TTLL8: variants seen among roughly 807,000 people sequenced by gnomAD.
TTLL8 encodes the protein protein monoglycylase TTLL8.
A neutral mutation model predicts 77.8 loss-of-function variants in TTLL8; 65 were observed. The observed-to-expected ratio is 0.84, with a 90% CI of 0.68 to 1.03. TTLL8 has a LOEUF of 1.03. TTLL8 is among the 50% of genes least tolerant of loss of function. The pLI is 0.00. For missense variants in TTLL8, 910 were observed against 1,004.5 expected (o/e 0.91, Z 1.27); for synonymous variants, 402 against 422.8 (o/e 0.95, Z 0.60).
chr22:50,048,430 G>A (rs1052271021), intron 3 of TTLL8, among the ~76,000 whole-genome samples: 1 of 152,076 alleles, frequency 6.6e-6, no homozygotes, highest in African/African-American at 2.4e-5. Context: ...CCTCGCCCCT[G>A]GGTGAGGACG....
intron 12 of TTLL8, among the ~76,000 whole-genome samples, chr22:50,020,164 A>G (rs930438592): frequency 1.2e-4 from 19 of 152,224 alleles, no homozygotes; most frequent in African/African-American, 4.6e-4. Context: ...GCACCAAGAA[A>G]TATTTACAAA....
chr22:50,048,770 C>T (rs768509662), intron 3 of TTLL8, among the ~76,000 whole-genome samples: 3 of 152,226 alleles, frequency 2.0e-5, no homozygotes, highest in Admixed American at 6.5e-5. Flanking sequence ...CTGCAAATGC[C>T]GCCTCCCACC....
chr22:50,031,257 C>A (rs1437419650), intron 11 of TTLL8, among the ~76,000 whole-genome samples: 1 of 152,202 alleles, frequency 6.6e-6, no homozygotes. Flanking sequence ...CATCCGCAGG[C>A]ACAGGGAGGC....
At chr22:50,028,339 C>T (rs1441375407) in intron 12 of TTLL8, among the ~76,000 whole-genome samples, 1 of 152,232 alleles carries the variant, frequency 6.6e-6, no homozygotes, top group Non-Finnish European at 1.5e-5. Context: ...GCAACACTGC[C>T]CTGTGGCAGG....
chr22:50,034,372 T>G lies in TTLL8; in HGVS notation c.1012A>C (p.Lys338Gln), dbSNP rs1388012487. Reference sequence around the variant, plus strand: ...GGGGACTCACCTCGGCCCCGGGACTTGGCCGCGGGCTTTATAATCCAGATG... The same window carrying G: ...GGGGACTCACCTCGGCCCCGGGACTGGGCCGCGGGCTTTATAATCCAGATG... Residue 338 changes from lysine to glutamine, a missense_variant, in exon 9 of 14, where the codon AAG becomes CAG. Transcript: ENST00000266182. This position sits in a 1 kb window ranked among gnomAD's most constrained non-coding sequence, Gnocchi z 4.1. 2.2e-6 allele frequency: 3 copies of G among 1,366,796 alleles called. No homozygotes were observed. Among genetic ancestry groups the G allele is most frequent in the Admixed American group, 3.8e-5 (2 of 52,590 alleles). The allele number at this position is 1,366,796 out of a possible 1,614,324, so 84.7% of individuals were successfully genotyped here.
intron 1 of TTLL8, among the ~76,000 whole-genome samples, chr22:50,052,509 C>G (rs1191016376): frequency 6.6e-6 from 1 of 152,126 alleles, no homozygotes; most frequent in East Asian, 1.9e-4. Flanking sequence ...ATGAAGATAA[C>G]AGACACACCT....
At position 50,045,037 on chromosome 22, in the gene TTLL8, C is replaced by T. The variant is rs1467063654; in HGVS notation, c.643+218G>A. ...CTCGGACGTCCCAGGGCTGCGTTAA[C>T]TGCCAGGTGCTTTACAAACGGGGTG... On this transcript the variant is annotated intron_variant, in intron 6 of 13. Coordinates refer to ENST00000266182, the Ensembl canonical transcript of TTLL8. 4 of 239,816 alleles carry T rather than the reference C, an allele frequency of 1.7e-5. No individual in the cohort carries two copies. The East Asian group carries it at 7.2e-4, about 43-fold the overall frequency. The allele number at this position is 239,816 out of a possible 1,614,324, so 14.9% of individuals were successfully genotyped here.
At chr22:50,046,686 C>T (rs1276467498) in intron 4 of TTLL8, among the ~76,000 whole-genome samples, 1 of 152,236 alleles carries the variant, frequency 6.6e-6, no homozygotes, top group African/African-American at 2.4e-5. Context: ...CAGGGAAGCC[C>T]CTCTTCCGGG....
Position 50,033,273 on chromosome 22 carries a change from CA to C in TTLL8, c.1211del (p.Leu404ArgfsTer38), listed in dbSNP as rs767380809. 2.9e-6 allele frequency: 4 copies of C among 1,361,804 alleles called. No homozygotes were observed. Among genetic ancestry groups the C allele is most frequent in the East Asian group, 9.1e-5 (2 of 21,860 alleles). The allele number at this position is 1,361,804 out of a possible 1,614,324, so 84.4% of individuals were successfully genotyped here. A position where few individuals can be genotyped will look rare whatever the true frequency, so the allele number is the denominator to read the frequency against. On this transcript the variant is annotated frameshift_variant, in exon 10 of 14. Transcript: ENST00000266182. LOFTEE classifies it high-confidence loss of function. Reference sequence around the variant, plus strand: ...AACTCTCCTTGTAGAACCAGATGGTCAGGGGGTTCCAGTCCGTGACGAGGAA... The same window carrying C: ...AACTCTCCTTGTAGAACCAGATGGTCGGGGGTTCCAGTCCGTGACGAGGAA...
At chr22:50,045,467 C>G (rs2061403575) in intron 5 of TTLL8, 78 bp from the exon 8 acceptor site, 3 of 1,249,708 alleles carry the variant, frequency 2.4e-6, no homozygotes, top group Non-Finnish European at 3.2e-6. Flanking sequence ...GCCACGGAGG[C>G]TCCCCAACCC....
At chr22:50,032,246 G>T in intron 10 of TTLL8, 137 bp from the exon 12 acceptor site, 1 of 903,446 alleles carries the variant, frequency 1.1e-6, no homozygotes, top group East Asian at 5.3e-5. Context: ...CCCTCTGCTG[G>T]AGGGGCCCAG....
exon 11 of TTLL8, chr22:50,031,937 C>G (rs754926181): frequency 4.4e-6 from 6 of 1,366,968 alleles, no homozygotes; most frequent in Non-Finnish European, 4.9e-6. Flanking sequence ...TGGGCGATGG[C>G]CTTCTTCATG....
At chr22:50,051,427 G>C in intron 1 of TTLL8, among the ~76,000 whole-genome samples, 1 of 152,260 alleles carries the variant, frequency 6.6e-6, no homozygotes, top group Admixed American at 6.5e-5. Context: ...TTCTTTATCC[G>C]CTCGTTGGTT....
intron 8 of TTLL8, among the ~76,000 whole-genome samples, chr22:50,038,001 A>G (rs1048209245): frequency 2.0e-5 from 3 of 151,548 alleles, no homozygotes; most frequent in Non-Finnish European, 4.4e-5. Context: ...CTAAGTCATT[A>G]ACATGTTATA....
rs576471106 is a variant in TTLL8, at chr22:50,052,728, T to A, written c.51+1848A>T. On this transcript the variant is annotated intron_variant, in intron 1 of 13. Transcript: ENST00000266182. ...AAAAAGATTCAATTCACTAGAAAGA[T>A]ACATGTGTATGCACCTATTAAGAAG... Among the ~76,000 whole-genome samples, 7 of 152,340 alleles carry A rather than the reference T, an allele frequency of 4.6e-5. No individual in the cohort carries two copies. In the East Asian group the frequency reaches 1.2e-3, roughly 25 times the overall value.
intron 4 of TTLL8, among the ~76,000 whole-genome samples, chr22:50,046,432 G>C (rs1244775041): frequency 1.3e-5 from 2 of 152,230 alleles, no homozygotes; most frequent in Non-Finnish European, 2.9e-5. Context: ...ATATCGTGAA[G>C]TCCCCGCACC....
chr22:50,026,703 A>G (rs1185114148), intron 12 of TTLL8, among the ~76,000 whole-genome samples: 3 of 152,216 alleles, frequency 2.0e-5, no homozygotes, highest in Non-Finnish European at 2.9e-5. Flanking sequence ...ACATGTGACA[A>G]TCCATCAAGC....
At chr22:50,032,713 GCAGA>G (rs1470377135) in intron 10 of TTLL8, among the ~76,000 whole-genome samples, 1 of 152,214 alleles carries the variant, frequency 6.6e-6, no homozygotes, top group Non-Finnish European at 1.5e-5. Flanking sequence ...AAGCCTTGGT[GCAGA>G]CAGAGGGTGG....
intron 8 of TTLL8, among the ~76,000 whole-genome samples, chr22:50,036,706 C>A (rs2146662195): frequency 6.6e-6 from 1 of 152,036 alleles, no homozygotes; most frequent in South Asian, 2.1e-4. Flanking sequence ...TCAAGCGATG[C>A]TCCTGCCTCA....
Sources: gnomAD v4.1 joint callset for allele counts (sites outside exome capture counted in the v4.1 genomes callset) on GRCh38, gnomAD v4.1.1 for gene constraint, Gnocchi (gnomAD v3.1) non-coding constraint, MANE v1.5 for transcripts, NCBI Gene and HGNC (gene_info 2026-07-23, HGNC 2026-07-21) for gene names.